LARP1: variants seen among roughly 807,000 people sequenced by gnomAD.
The protein encoded by LARP1 is la-related protein 1.
A neutral mutation model predicts 122.7 loss-of-function variants in LARP1; 36 were observed. The ratio of observed to expected loss-of-function variants is 0.29; its 90% CI spans 0.22 to 0.39. The LOEUF (loss-of-function observed/expected upper bound fraction) is 0.39, where lower values mean the gene tolerates loss of function less well. Among genes scored for constraint, LARP1 ranks in the 10% least tolerant of loss-of-function variants. The probability of loss-of-function intolerance (pLI) is 1.00; values close to 1 mark genes in which losing one functional copy is unlikely to be tolerated. For missense variants in LARP1, 1,040 were observed against 1,403.6 expected (o/e 0.74, Z 4.14); for synonymous variants, 539 against 528.7 (o/e 1.02, Z -0.27).
In LARP1 at chr5:154,738,579, G is replaced by A. The variant is rs112847310; in HGVS notation, c.205+25449G>A. On this transcript the variant is annotated intron_variant, in intron 1 of 18. Transcript: ENST00000336314. Reference sequence around the variant, plus strand: ...CGCACTCCAGACTGGGGGACAGAGCGAGACTCCGTCTCAAAAAAAAAAAGA... The same window carrying A: ...CGCACTCCAGACTGGGGGACAGAGCAAGACTCCGTCTCAAAAAAAAAAAGA... 1.0e-3 allele frequency among the ~76,000 whole-genome samples: 158 copies of A among 151,846 alleles called. 1 individual carries two copies. Among genetic ancestry groups the A allele is most frequent in the African/African-American group, 3.6e-3 (150 of 41,414 alleles).
chr5:154,808,165 C>T (rs1758944840), intron 15 of LARP1, among the ~76,000 whole-genome samples: 2 of 152,148 alleles, frequency 1.3e-5, no homozygotes, highest in Admixed American at 1.3e-4. Flanking sequence ...TGTCTTGTCT[C>T]GACGGCACTT....
chr5:154,721,261 C>T (rs1256790614), intron 1 of LARP1, among the ~76,000 whole-genome samples: 1 of 151,234 alleles, frequency 6.6e-6, no homozygotes, highest in Non-Finnish European at 1.5e-5. Context: ...GTGGGAAGAT[C>T]CCTTAAGCCT....
At chr5:154,808,668 C>T in intron 16 of LARP1, 65 bp downstream of exon 16, 4 of 1,521,296 alleles carry the variant, frequency 2.6e-6, no homozygotes, top group Non-Finnish European at 3.6e-6. Context: ...CCTAGTTGGT[C>T]TGCTTCCAGA....
intron 1 of LARP1, among the ~76,000 whole-genome samples, chr5:154,778,814 C>A (rs1756143669): frequency 6.6e-6 from 1 of 152,180 alleles, no homozygotes; most frequent in Non-Finnish European, 1.5e-5. Context: ...AATAGTCTTT[C>A]CTAACTATGG....
intron 1 of LARP1, among the ~76,000 whole-genome samples, chr5:154,765,996 G>A (rs187594063): frequency 6.6e-5 from 10 of 152,098 alleles, no homozygotes; most frequent in African/African-American, 2.2e-4. Flanking sequence ...TTCTTTGGCA[G>A]TGTAGCAGGG....
intron 8 of LARP1, among the ~76,000 whole-genome samples, chr5:154,797,477 C>T (rs1757976702): frequency 6.6e-6 from 1 of 151,892 alleles, no homozygotes; most frequent in South Asian, 2.1e-4. Flanking sequence ...AGGTGATCCA[C>T]CCACCTCGGC....
upstream of LARP1, chr5:154,712,836 C>T (rs1273025641): frequency 3.0e-5 from 36 of 1,183,774 alleles, no homozygotes; most frequent in Non-Finnish European, 4.2e-5. Context: ...ACCTGGAGAG[C>T]TCCCGGGCCA....
intron 1 of LARP1, among the ~76,000 whole-genome samples, chr5:154,764,668 G>A (rs976586254): frequency 6.6e-6 from 1 of 150,950 alleles, no homozygotes; most frequent in Admixed American, 6.6e-5. Context: ...ACTTTGGGAG[G>A]CCGAGGCGGG....
upstream of LARP1, among the ~76,000 whole-genome samples, chr5:154,710,569 C>T (rs914531028): frequency 2.6e-5 from 4 of 151,972 alleles, no homozygotes; most frequent in Middle Eastern, 6.3e-3. Flanking sequence ...TGGTGAAACC[C>T]TGTCTCTACT....
chr5:154,790,531 G>A, intron 2 of LARP1, 114 bp from the exon 3 acceptor site: 1 of 1,315,628 alleles, frequency 7.6e-7, no homozygotes, highest in Non-Finnish European at 1.1e-6. Context: ...CAGTGTGAAT[G>A]GTCCTGGTGA....
Position 154,783,476 on chromosome 5 carries a change from A to G in LARP1, c.437-6849A>G, listed in dbSNP as rs530090831. On this transcript the variant is annotated intron_variant, in intron 1 of 18. Coordinates refer to ENST00000518297, the MANE Select transcript of LARP1 (RefSeq NM_033551.3). ...AGAATGATGCCCAGGCATCCCTGCT[A>G]TTGAGAAACTGTCCTGTTGGCTACA... is the stretch of plus-strand genomic sequence containing the variant. Among the ~76,000 whole-genome samples the G allele has an allele frequency of 1.5e-4, 23 of 152,286 alleles. No individual in the cohort carries two copies. In the South Asian group the frequency reaches 4.6e-3, roughly 30 times the overall value.
intron 10 of LARP1, among the ~76,000 whole-genome samples, chr5:154,800,268 A>C (rs548432980): frequency 4.6e-5 from 7 of 152,286 alleles, no homozygotes; most frequent in Non-Finnish European, 1.0e-4. Context: ...CTACTGTGTG[A>C]GTTCCTCGGT....
intron 1 of LARP1, among the ~76,000 whole-genome samples, chr5:154,703,122 A>G (rs1754797071): frequency 8.2e-6 from 1 of 121,270 alleles, no homozygotes; most frequent in Admixed American, 7.6e-5. Context: ...CGCTGTCTCA[A>G]AAAAAAAAAA....
chr5:154,808,373 C>T, intron 15 of LARP1, 86 bp from the exon 16 acceptor site: 1 of 1,504,378 alleles, frequency 6.6e-7, no homozygotes, highest in South Asian at 1.3e-5. Context: ...GAGAAAGGAC[C>T]AAGTCTTAAG....
Position 154,756,097 on chromosome 5 carries a change from C to A in LARP1, c.340C>A (p.Arg114=). Residue 114 remains arginine, a synonymous_variant, in exon 1 of 19, where the codon CGG becomes AGG. Coordinates refer to ENST00000518297, the MANE Select transcript of LARP1 (RefSeq NM_033551.3). ...GAAGAAGAGR[R]DFVEAPPPKV... is the part of the protein sequence containing the mutation. ...TGCCGGAGCCGCGGGCGCGGGGCGC[C>A]GGGACTTCGTGGAAGCCCCCCCGCC... 1 of 1,197,066 alleles carries A rather than the reference C, an allele frequency of 8.4e-7. No homozygotes were observed. Among genetic ancestry groups the A allele is most frequent in the Non-Finnish European group, 1.1e-6 (1 of 942,902 alleles). 74.2% of individuals were successfully genotyped at this position (1,197,066 alleles called of 1,614,324 possible). A position where few individuals can be genotyped will look rare whatever the true frequency, so the allele number is the denominator to read the frequency against.
At chr5:154,712,604 C>T (rs1561539558), upstream of LARP1, among the ~76,000 whole-genome samples, 1 of 152,144 alleles carries the variant, frequency 6.6e-6, no homozygotes, top group African/African-American at 2.4e-5. Flanking sequence ...GCTTGTTTTC[C>T]AGGGTGGAGA....
chr5:154,738,075 A>G (rs1757011113), intron 1 of LARP1, among the ~76,000 whole-genome samples: 3 of 152,188 alleles, frequency 2.0e-5, no homozygotes. Context: ...AGCACAGCAC[A>G]GACACATCTA....
Position 154,813,988 on chromosome 5 carries a change from G to T in LARP1, c.3183G>T (p.Arg1061Ser). The change falls in exon 19 of 19, where the codon AGG (arginine) becomes AGT (serine). Residue 1061 changes from arginine to serine, a missense_variant. This residue lies in a region of LARP1 where 129 missense variants were observed against 160.8 expected (regional missense o/e 0.80). Transcript: ENST00000518297. ...RKRCPSQSSS[R>S]PAAMISQPPT... ...GGTGCCCCTCCCAGTCTTCCAGCAG[G>T]CCTGCTGCCATGATCAGCCAACCCC... The T allele has an allele frequency of 1.2e-6, 2 of 1,614,024 alleles. No homozygotes were observed. Among genetic ancestry groups the T allele is most frequent in the South Asian group, 2.2e-5 (2 of 91,072 alleles).
intron 1 of LARP1, among the ~76,000 whole-genome samples, chr5:154,733,023 G>A (rs1035548214): frequency 1.3e-5 from 2 of 152,134 alleles, no homozygotes; most frequent in South Asian, 2.1e-4. Flanking sequence ...AAAGGTGAGT[G>A]TCTCATAAAA....
Sources: allele counts gnomAD v4.1 joint callset (sites outside exome capture counted in the v4.1 genomes callset), GRCh38; gene constraint gnomAD v4.1.1; regional missense constraint gnomAD v4.1.1; transcripts MANE v1.5; gene names NCBI Gene and HGNC (gene_info 2026-07-23, HGNC 2026-07-21).